Variants in MEI1 observed in about 807,000 individuals in gnomAD.
MEI1 encodes the protein meiotic double-stranded break formation protein 1.
In MEI1, 103 loss-of-function variants were observed where a neutral mutation model predicts 146.2. That is an observed-to-expected ratio of 0.70 (90% CI 0.60 to 0.83). The LOEUF (loss-of-function observed/expected upper bound fraction) is 0.83, where lower values mean the gene tolerates loss of function less well. Among genes scored for constraint, MEI1 ranks in the 40% least tolerant of loss-of-function variants. The pLI, the probability that MEI1 is intolerant of heterozygous loss-of-function variation, is 0.00. For missense variants in MEI1, 1,529 were observed against 1,533.0 expected, an observed-to-expected ratio of 1.00 and a Z score of 0.04; for synonymous variants, 652 against 628.2, an observed-to-expected ratio of 1.04 and a Z score of -0.57.
intron 1 of MEI1, among the ~76,000 whole-genome samples, chr22:41,700,621 G>A (rs936986416): frequency 2.2e-4 from 33 of 151,992 alleles, no homozygotes; most frequent in African/African-American, 7.2e-4. Context: ...GTGAGCCACG[G>A]TGCCCGACCT....
At chr22:41,713,466 CA>C (rs1601678867) in intron 3 of MEI1, among the ~76,000 whole-genome samples, 1 of 115,182 alleles carries the variant, frequency 8.7e-6, no homozygotes, top group East Asian at 2.6e-4. Context: ...CTAAACAAAG[CA>C]AAAGCAAAAT....
intron 17 of MEI1, among the ~76,000 whole-genome samples, chr22:41,755,162 T>G (rs1191987263): frequency 2.0e-5 from 3 of 152,188 alleles, no homozygotes; most frequent in African/African-American, 7.2e-5. Context: ...TTATTTGCCC[T>G]GAGGGGTTCC....
chr22:41,765,470 G>A (rs972073988), intron 19 of MEI1, among the ~76,000 whole-genome samples: 9 of 152,248 alleles, frequency 5.9e-5, no homozygotes, highest in Admixed American at 2.6e-4. Flanking sequence ...GACAGAGTAA[G>A]ACGTTGTCTC....
chr22:41,724,549 C>T (rs1332037524), intron 7 of MEI1, among the ~76,000 whole-genome samples: 1 of 148,456 alleles, frequency 6.7e-6, no homozygotes, highest in Non-Finnish European at 1.5e-5. Context: ...ATCTGGGAGG[C>T]GGAGGTTGCA....
chr22:41,755,422 A>G (rs2074029325), intron 17 of MEI1, among the ~76,000 whole-genome samples: 1 of 152,178 alleles, frequency 6.6e-6, no homozygotes, highest in Non-Finnish European at 1.5e-5. Flanking sequence ...TAGCTTGGCT[A>G]CTGGTTCTCT....
chr22:41,717,540 C>T (rs2070320283), intron 5 of MEI1, among the ~76,000 whole-genome samples: 1 of 151,858 alleles, frequency 6.6e-6, no homozygotes, highest in Non-Finnish European at 1.5e-5. Context: ...TCAAGTGATC[C>T]TCCCACCTTG....
At chr22:41,741,562 C>T (rs1007753241) in intron 11 of MEI1, among the ~76,000 whole-genome samples, 2 of 152,234 alleles carry the variant, frequency 1.3e-5, no homozygotes, top group African/African-American at 4.8e-5. Context: ...TTACCCCACA[C>T]TCATAATGAT....
chr22:41,740,396 G>T (rs1223583147), intron 11 of MEI1, among the ~76,000 whole-genome samples: 5 of 152,000 alleles, frequency 3.3e-5, no homozygotes, highest in Admixed American at 1.3e-4. Flanking sequence ...GGTTCAGAGT[G>T]TCTTTGGAAA....
chr22:41,707,812 C>T (rs2069208516), intron 3 of MEI1, among the ~76,000 whole-genome samples: 1 of 152,166 alleles, frequency 6.6e-6, no homozygotes, highest in African/African-American at 2.4e-5. Context: ...ATTGGCAGAG[C>T]TTAATGAGGT....
rs201909710 is a variant in MEI1, at chr22:41,703,398, C to T, written c.242C>T (p.Thr81Met). The change falls in exon 2 of 31, where the codon ACG becomes ATG. Residue 81 changes from threonine (T) to methionine (M), a missense_variant. By Grantham distance (81) the Thr-to-Met change is moderately conservative. This residue lies in a region of MEI1 where 1,212 missense variants were observed against 1,178.9 expected (regional missense o/e 1.03). Coordinates refer to ENST00000401548, the MANE Select transcript of MEI1 (RefSeq NM_152513.4). ...DALVRHTSLV[T>M]QLVSQDQRVC... is the part of the protein sequence containing the mutation. ...CTTGTGAGGCATACCTCCCTGGTCA[C>T]GCAACTGGTGTCTCAGGATCAGAGA... is the stretch of plus-strand genomic sequence containing the variant. The T allele has an allele frequency of 3.7e-5, 60 of 1,610,084 alleles. No homozygotes were observed. In the African/African-American group the frequency reaches 3.9e-4, roughly 10 times the overall value.
At chr22:41,712,493 C>T (rs1430311345) in intron 3 of MEI1, among the ~76,000 whole-genome samples, 2 of 151,824 alleles carry the variant, frequency 1.3e-5, no homozygotes, top group African/African-American at 4.8e-5. Flanking sequence ...CCTTGGCCTC[C>T]CAAAGTGCTG....
At chr22:41,784,208 G>A (rs1054672396) in intron 24 of MEI1, 131 bp from the exon 25 acceptor site, 1 of 745,896 alleles carries the variant, frequency 1.3e-6, no homozygotes, top group South Asian at 1.7e-5. Context: ...AGGACTCTGT[G>A]TGGCCTCCTC....
intron 3 of MEI1, 45 bp from the exon 4 acceptor site, chr22:41,713,957 G>A: frequency 6.6e-7 from 1 of 1,519,998 alleles, no homozygotes; most frequent in Non-Finnish European, 9.0e-7. Flanking sequence ...GTGGACTCTG[G>A]GTTGGGGGTG....
In MEI1 at chr22:41,732,591, C is replaced by G; in HGVS notation, c.1319C>G (p.Ser440Cys). The change falls in exon 11 of 31, where the codon TCT becomes TGT. Residue 440 changes from serine (S) to cysteine (C), a missense_variant. By Grantham distance (112) the Ser-to-Cys change is moderately radical (BLOSUM62 -1). Coordinates refer to ENST00000401548, the MANE Select transcript of MEI1 (RefSeq NM_152513.4). ...EVAAEALKAT[S>C]AFLRKDHQST... is the part of the protein sequence containing the mutation. Reference sequence around the variant, plus strand: ...GCTGCTGAGGCCTTGAAGGCCACTTCTGCTTTTCTGAGGTGAGAGACCCAG... The same window carrying G: ...GCTGCTGAGGCCTTGAAGGCCACTTGTGCTTTTCTGAGGTGAGAGACCCAG... 6.2e-7 allele frequency: 1 copy of G among 1,613,150 alleles called. No individual in the cohort carries two copies. Among genetic ancestry groups the G allele is most frequent in the South Asian group, 1.1e-5 (1 of 91,028 alleles).
intron 3 of MEI1, among the ~76,000 whole-genome samples, chr22:41,712,522 A>C (rs1054305037): frequency 6.6e-6 from 1 of 152,020 alleles, no homozygotes; most frequent in Non-Finnish European, 1.5e-5. Context: ...GGCGTGAGCC[A>C]CTGCGCCCGG....
At chr22:41,757,832 A>G (rs751387226) in intron 17 of MEI1, among the ~76,000 whole-genome samples, 8 of 152,122 alleles carry the variant, frequency 5.3e-5, no homozygotes, top group Non-Finnish European at 8.8e-5. Flanking sequence ...CTCAATGAAC[A>G]TATGTCAAAT....
chr22:41,796,488 C>T (rs2076363064), intron 30 of MEI1, among the ~76,000 whole-genome samples: 1 of 152,086 alleles, frequency 6.6e-6, no homozygotes, highest in Admixed American at 6.5e-5. Context: ...GCCACCATGC[C>T]CGGCTACATG....
At chr22:41,772,833 C>A (rs1019451595) in intron 20 of MEI1, among the ~76,000 whole-genome samples, 18 of 152,132 alleles carry the variant, frequency 1.2e-4, no homozygotes, top group Non-Finnish European at 1.6e-4. Flanking sequence ...GGTGATGACT[C>A]AAATCCCTGC....
intron 20 of MEI1, among the ~76,000 whole-genome samples, chr22:41,775,834 T>TC (rs1248348123): frequency 6.6e-6 from 1 of 152,092 alleles, no homozygotes; most frequent in African/African-American, 2.4e-5. Flanking sequence ...GACCTCGTGA[T>TC]CCACCCGCCT....
Sources: gnomAD v4.1 joint callset for allele counts (sites outside exome capture counted in the v4.1 genomes callset) on GRCh38, gnomAD v4.1.1 for gene constraint, gnomAD v4.1.1 regional missense constraint, MANE v1.5 for transcripts, NCBI Gene and HGNC (gene_info 2026-07-23, HGNC 2026-07-21) for gene names.